Variants in ASPH observed in about 807,000 individuals in gnomAD.
The protein encoded by ASPH is aspartyl/asparaginyl beta-hydroxylase.
A neutral mutation model predicts 118.4 loss-of-function variants in ASPH; 100 were observed. The ratio of observed to expected loss-of-function variants is 0.84; its 90% CI spans 0.72 to 1.00. ASPH has a LOEUF of 1.00. ASPH is among the 50% of genes least tolerant of loss of function. The pLI, the probability that ASPH is intolerant of heterozygous loss-of-function variation, is 0.00. For synonymous variants in ASPH, 315 were observed against 325.6 expected (o/e 0.97, Z 0.35); for missense variants, 920 against 919.5 (o/e 1.00, Z -0.01).
chr8:61,521,047 G>T (rs1049514588), intron 22 of ASPH, among the ~76,000 whole-genome samples: 3 of 152,154 alleles, frequency 2.0e-5, no homozygotes, highest in Non-Finnish European at 4.4e-5. Context: ...GATCATGAGG[G>T]TCCAAGGAAT....
At chr8:61,589,688 CT>C (rs1381651917) in intron 14 of ASPH, among the ~76,000 whole-genome samples, 10 of 152,318 alleles carry the variant, frequency 6.6e-5, no homozygotes, top group Non-Finnish European at 1.3e-4. Flanking sequence ...AGACCTAGGA[CT>C]GTGGATTAGG....
At chr8:61,556,715 A>G (rs1828003921) in intron 18 of ASPH, among the ~76,000 whole-genome samples, 1 of 152,232 alleles carries the variant, frequency 6.6e-6, no homozygotes, top group Non-Finnish European at 1.5e-5. Context: ...CAGAACAACA[A>G]CATTCAACTT....
At chr8:61,518,756 C>A (rs1811846268) in intron 22 of ASPH, among the ~76,000 whole-genome samples, 1 of 152,132 alleles carries the variant, frequency 6.6e-6, no homozygotes, top group African/African-American at 2.4e-5. Context: ...CAGGTACAGA[C>A]CTTAATCTAC....
chr8:61,544,639 A>G (rs1823124988), intron 21 of ASPH, among the ~76,000 whole-genome samples: 1 of 152,196 alleles, frequency 6.6e-6, no homozygotes, highest in Non-Finnish European at 1.5e-5. Context: ...TATATGTAAG[A>G]AATGCTCAGT....
At chr8:61,654,617 TTTA>T (rs576060895) in intron 3 of ASPH, among the ~76,000 whole-genome samples, 6 of 152,340 alleles carry the variant, frequency 3.9e-5, no homozygotes, top group African/African-American at 1.2e-4. Context: ...ACTCTTCTTT[TTTA>T]TTATTTTTCC....
In ASPH at chr8:61,502,110, G is replaced by C. The variant is rs375007692; in HGVS notation, c.*1249C>G. 118 of 152,108 alleles carry C rather than the reference G, an allele frequency of 7.8e-4. No homozygotes were observed. Among genetic ancestry groups the C allele is most frequent in the African/African-American group, 2.7e-3 (110 of 41,408 alleles). 9.4% of individuals were successfully genotyped at this position (152,108 alleles called of 1,614,324 possible). The stretch of plus-strand genomic sequence containing the variant: ...CATCTTTGGAATGAGTAGGCAAGAC[G>C]ATTTTTACCTATTATTTCTATGTTG... On this transcript the variant is annotated 3_prime_UTR_variant, in exon 25 of 25. Transcript: ENST00000379454.
intron 21 of ASPH, among the ~76,000 whole-genome samples, chr8:61,547,738 T>C (rs1476534169): frequency 6.6e-6 from 1 of 151,860 alleles, no homozygotes; most frequent in East Asian, 1.9e-4. Flanking sequence ...AATTCATAAA[T>C]ATATATATAA....
At chr8:61,628,932 T>C (rs1302573654) in intron 13 of ASPH, among the ~76,000 whole-genome samples, 3 of 152,212 alleles carry the variant, frequency 2.0e-5, no homozygotes, top group South Asian at 2.1e-4. Context: ...AAAGCACTTA[T>C]GGAATATTAG....
intron 1 of ASPH, among the ~76,000 whole-genome samples, chr8:61,713,919 G>A (rs1000198382): frequency 5.3e-5 from 8 of 152,144 alleles, no homozygotes; most frequent in Non-Finnish European, 7.4e-5. Flanking sequence ...AACACGCAAG[G>A]CAAACGATAA....
At chr8:61,664,765 G>C (rs1382081399) in intron 3 of ASPH, 7 of 986,322 alleles carry the variant, frequency 7.1e-6, no homozygotes, top group Non-Finnish European at 8.4e-6. Context: ...GAGGAGGGAA[G>C]GTGGTGGCAC....
At chr8:61,528,464 C>T (rs1288928201) in intron 21 of ASPH, among the ~76,000 whole-genome samples, 1 of 152,196 alleles carries the variant, frequency 6.6e-6, no homozygotes, top group Non-Finnish European at 1.5e-5. Flanking sequence ...GCTCCTCTAA[C>T]ACATAAAATT....
At chr8:61,510,339 GT>G (rs1808350033) in intron 24 of ASPH, among the ~76,000 whole-genome samples, 1 of 152,164 alleles carries the variant, frequency 6.6e-6, no homozygotes, top group African/African-American at 2.4e-5. Flanking sequence ...TTCTGAATAT[GT>G]TTTTATGAAG....
intron 3 of ASPH, chr8:61,661,903 T>C (rs1003606474): frequency 2.2e-6 from 1 of 454,784 alleles, no homozygotes; most frequent in Admixed American, 4.0e-5. Flanking sequence ...TTTGAGACGA[T>C]CATCTATATA....
chr8:61,646,946 G>A, intron 5 of ASPH, 68 bp from the exon 6 acceptor site: 1 of 1,595,314 alleles, frequency 6.3e-7, no homozygotes, highest in Admixed American at 1.7e-5. Flanking sequence ...GTGAAGGGCT[G>A]CCACACACCT....
intron 15 of ASPH, 80 bp downstream of exon 15, chr8:61,583,864 T>A: frequency 7.5e-6 from 7 of 932,850 alleles, no homozygotes; most frequent in Non-Finnish European, 9.3e-6. Flanking sequence ...CACTTACTAT[T>A]TTTTTTTTTT....
At chr8:61,609,062 G>C (rs980469805) in intron 14 of ASPH, among the ~76,000 whole-genome samples, 1 of 152,182 alleles carries the variant, frequency 6.6e-6, no homozygotes, top group Non-Finnish European at 1.5e-5. Flanking sequence ...AGGGCGAGGA[G>C]GAAAGGGGAA....
chr8:61,579,156 A>G, intron 15 of ASPH: 5 of 1,612,126 alleles, frequency 3.1e-6, no homozygotes, highest in Non-Finnish European at 4.2e-6. Context: ...GATGAACTGG[A>G]ACATCAGCCA....
chr8:61,663,699 A>G lies in ASPH; in HGVS notation c.323-10039T>C, dbSNP rs375969269. ...ATAAAACTCGAAGTTATCAGGTTAC[A>G]ATATCTTCAGGCCTTAATTTTTAAG... On this transcript the variant is annotated intron_variant, in intron 3 of 24. Coordinates refer to ENST00000379454, the MANE Select transcript of ASPH (RefSeq NM_004318.4). 91 of 979,310 alleles carry G rather than the reference A, an allele frequency of 9.3e-5. 1 individual carries two copies. The South Asian group carries it at 3.3e-3, about 35-fold the overall frequency. 60.7% of individuals were successfully genotyped at this position (979,310 alleles called of 1,614,324 possible). A position where few individuals can be genotyped will look rare whatever the true frequency, so the allele number is the denominator to read the frequency against.
At chr8:61,579,572 C>A in intron 15 of ASPH, 1 of 1,523,970 alleles carries the variant, frequency 6.6e-7, no homozygotes, top group Non-Finnish European at 9.0e-7. Context: ...GCTCCAGCTC[C>A]CTCAGCCGCA....
Sources: gnomAD v4.1 joint callset for allele counts (sites outside exome capture counted in the v4.1 genomes callset) on GRCh38, gnomAD v4.1.1 for gene constraint, MANE v1.5 for transcripts, NCBI Gene and HGNC (gene_info 2026-07-23, HGNC 2026-07-21) for gene names.